KDM4C: variants seen among roughly 807,000 people sequenced by gnomAD.
KDM4C encodes lysine-specific demethylase 4C.
In KDM4C, 81 loss-of-function variants were observed where a neutral mutation model predicts 129.3. The ratio of observed to expected loss-of-function variants is 0.63; its 90% CI spans 0.52 to 0.75. KDM4C has a LOEUF of 0.75. KDM4C is among the 30% of genes least tolerant of loss of function. The pLI is 0.00. For synonymous variants in KDM4C, 573 were observed against 456.1 expected (o/e 1.26, Z -3.26); for missense variants, 1,457 against 1,304.0 (o/e 1.12, Z -1.81).
At chr9:7,117,510 T>A (rs1839034345) in intron 18 of KDM4C, among the ~76,000 whole-genome samples, 1 of 152,052 alleles carries the variant, frequency 6.6e-6, no homozygotes, top group East Asian at 1.9e-4. Context: ...TCCTTCTCAT[T>A]TTATTCTCTC....
chr9:7,155,156 ATG>A (rs1843037002), intron 19 of KDM4C, among the ~76,000 whole-genome samples: 1 of 152,102 alleles, frequency 6.6e-6, no homozygotes, highest in East Asian at 1.9e-4. Flanking sequence ...CTCATTTTTA[ATG>A]TGTGCCCCAG....
At chr9:6,778,430 A>G (rs536354747) in intron 1 of KDM4C, among the ~76,000 whole-genome samples, 8 of 151,902 alleles carry the variant, frequency 5.3e-5, no homozygotes, top group Non-Finnish European at 1.0e-4. Context: ...TATTCACTCA[A>G]GTGACAGCTC....
intron 8 of KDM4C, among the ~76,000 whole-genome samples, chr9:6,979,626 T>G (rs891773200): frequency 1.6e-4 from 24 of 152,132 alleles, no homozygotes; most frequent in Non-Finnish European, 2.9e-4. Context: ...AACTCAGGAA[T>G]GAAAGATTGT....
chr9:7,128,257 G>T, intron 19 of KDM4C, 21 bp downstream of exon 19: 1 of 1,537,024 alleles, frequency 6.5e-7, no homozygotes, highest in Non-Finnish European at 8.8e-7. Flanking sequence ...TTCCTTGAGT[G>T]CCTGCTACCC....
intron 17 of KDM4C, among the ~76,000 whole-genome samples, chr9:7,053,658 A>C (rs568879618): frequency 6.6e-6 from 1 of 152,212 alleles, no homozygotes; most frequent in Non-Finnish European, 1.5e-5. Flanking sequence ...TAACTTTTAA[A>C]AACCTAAAAC....
At chr9:6,924,377 C>G (rs891456566) in intron 8 of KDM4C, among the ~76,000 whole-genome samples, 4 of 152,218 alleles carry the variant, frequency 2.6e-5, no homozygotes, top group African/African-American at 7.2e-5. Flanking sequence ...CACAGGCCCC[C>G]TTTCCCTCTG....
intron 6 of KDM4C, among the ~76,000 whole-genome samples, chr9:6,887,721 T>C (rs554802626): frequency 1.8e-4 from 27 of 152,346 alleles, no homozygotes; most frequent in African/African-American, 6.0e-4. Flanking sequence ...TTTTACAGGT[T>C]ACAAAAACAA....
chr9:7,070,260 C>T (rs542729615), intron 17 of KDM4C, among the ~76,000 whole-genome samples: 6 of 152,262 alleles, frequency 3.9e-5, no homozygotes, highest in African/African-American at 1.4e-4. Flanking sequence ...ACTGCAGGCC[C>T]AGATGCTGTC....
At chr9:6,960,204 G>A (rs945995467) in intron 8 of KDM4C, among the ~76,000 whole-genome samples, 11 of 151,908 alleles carry the variant, frequency 7.2e-5, no homozygotes, top group East Asian at 1.9e-4. Flanking sequence ...TATTACAGAT[G>A]CATATACTGT....
At chr9:6,813,404 A>G (rs970985639) in intron 3 of KDM4C, among the ~76,000 whole-genome samples, 2 of 152,282 alleles carry the variant, frequency 1.3e-5, no homozygotes, top group South Asian at 4.2e-4. Flanking sequence ...TCTATGTTTT[A>G]AATACAGTTG....
chr9:7,127,082 G>C (rs1019698775), intron 18 of KDM4C, among the ~76,000 whole-genome samples: 5 of 152,078 alleles, frequency 3.3e-5, no homozygotes, highest in Non-Finnish European at 5.9e-5. Context: ...GATGGGTGCA[G>C]GGAAATATGG....
intron 8 of KDM4C, among the ~76,000 whole-genome samples, chr9:6,944,827 G>A (rs1826649393): frequency 6.6e-6 from 1 of 151,812 alleles, no homozygotes; most frequent in Admixed American, 6.6e-5. Context: ...GAATGTGGGG[G>A]CAATTGTATG....
At chr9:6,857,480 C>G (rs1250905262) in intron 5 of KDM4C, among the ~76,000 whole-genome samples, 1 of 152,164 alleles carries the variant, frequency 6.6e-6, no homozygotes, top group East Asian at 1.9e-4. Context: ...CACACACCCA[C>G]TTGCTTGCAG....
At chr9:7,089,260 C>T (rs1835508344) in intron 17 of KDM4C, among the ~76,000 whole-genome samples, 1 of 151,458 alleles carries the variant, frequency 6.6e-6, no homozygotes, top group South Asian at 2.1e-4. Flanking sequence ...ATTTTTTTTG[C>T]AGTCACTTGA....
intron 8 of KDM4C, chr9:6,902,901 G>C (rs1817648765): frequency 6.6e-6 from 1 of 152,182 alleles, no homozygotes; most frequent in Admixed American, 6.5e-5. Context: ...CCAGATTGCT[G>C]AGAGAAGGAA....
At chr9:6,787,461 G>C (rs1372822072) in intron 1 of KDM4C, among the ~76,000 whole-genome samples, 1 of 152,226 alleles carries the variant, frequency 6.6e-6, no homozygotes, top group African/African-American at 2.4e-5. Context: ...TCAAATTCCT[G>C]ACCTCAGGTC....
intron 5 of KDM4C, among the ~76,000 whole-genome samples, chr9:6,872,834 A>G (rs564099488): frequency 5.9e-5 from 9 of 152,148 alleles, no homozygotes; most frequent in African/African-American, 1.7e-4. Context: ...TAAGGGTCCT[A>G]TGATTTTTAG....
intron 8 of KDM4C, among the ~76,000 whole-genome samples, chr9:6,977,232 T>C (rs557574305): frequency 6.6e-6 from 1 of 152,346 alleles, no homozygotes; most frequent in African/African-American, 2.4e-5. Context: ...AAAATCTAAT[T>C]GATCTTCTAC....
intron 4 of KDM4C, chr9:6,834,713 C>G: frequency 1.1e-6 from 1 of 889,418 alleles, no homozygotes; most frequent in Non-Finnish European, 1.9e-6. Context: ...GAAGATCTGG[C>G]ACCACACCTT....
Sources: allele counts gnomAD v4.1 joint callset (sites outside exome capture counted in the v4.1 genomes callset), GRCh38; gene constraint gnomAD v4.1.1; transcripts MANE v1.5; gene names NCBI Gene and HGNC (gene_info 2026-07-23, HGNC 2026-07-21).